TSEN2: variants seen among roughly 807,000 people sequenced by gnomAD.
TSEN2 encodes the protein tRNA splicing endonuclease subunit 2, also known as tRNA-splicing endonuclease subunit Sen2.
In TSEN2, 54 loss-of-function variants were observed where a neutral mutation model predicts 59.2. The observed-to-expected ratio is 0.91, with a 90% confidence interval of 0.73 to 1.14. The LOEUF is 1.14. Among genes scored for constraint, TSEN2 ranks in the 50% most tolerant of loss-of-function variants. The probability of loss-of-function intolerance (pLI) is 0.00; values close to 1 mark genes in which losing one functional copy is unlikely to be tolerated. For synonymous variants in TSEN2, 195 were observed against 198.2 expected (o/e 0.98, Z 0.14); for missense variants, 636 against 576.2 (o/e 1.10, Z -1.06).
chr3:12,520,125 A>G (rs1196387372), intron 8 of TSEN2, among the ~76,000 whole-genome samples: 1 of 151,726 alleles, frequency 6.6e-6, no homozygotes, highest in Non-Finnish European at 1.5e-5. Flanking sequence ...CAGCCTCCCG[A>G]GTAGCTGGGA....
intron 4 of TSEN2, among the ~76,000 whole-genome samples, chr3:12,500,898 C>T (rs2054221334): frequency 6.6e-6 from 1 of 152,176 alleles, no homozygotes; most frequent in Non-Finnish European, 1.5e-5. Context: ...GCTCACTTCA[C>T]TCCAGATCTT....
chr3:12,496,889 G>A (rs1300119411), intron 4 of TSEN2, among the ~76,000 whole-genome samples: 2 of 152,150 alleles, frequency 1.3e-5, no homozygotes, highest in African/African-American at 4.8e-5. Context: ...AGATGGTCCT[G>A]TCCCCCTTCC....
chr3:12,525,363 A>G (rs993724552), intron 8 of TSEN2, among the ~76,000 whole-genome samples: 5 of 152,226 alleles, frequency 3.3e-5, no homozygotes, highest in African/African-American at 7.2e-5. Context: ...TAGTGATACC[A>G]TAAGTACCAT....
chr3:12,523,347 G>C (rs1184079470), intron 8 of TSEN2, among the ~76,000 whole-genome samples: 1 of 151,936 alleles, frequency 6.6e-6, no homozygotes, highest in Non-Finnish European at 1.5e-5. Context: ...AAATGGAATG[G>C]TGGGAGCCAT....
chr3:12,523,742 G>GTTGACCAGGC (rs1412822425), intron 8 of TSEN2, among the ~76,000 whole-genome samples: 1 of 151,714 alleles, frequency 6.6e-6, no homozygotes, highest in Non-Finnish European at 1.5e-5. Flanking sequence ...GTTTTGCCAT[G>GTTGACCAGGC]TTGACCAGGC....
At chr3:12,532,616 T>C in intron 11 of TSEN2, 46 bp from the exon 12 acceptor site, 2 of 1,598,782 alleles carry the variant, frequency 1.3e-6, no homozygotes, top group Non-Finnish European at 1.7e-6. Context: ...CAGAATGGTC[T>C]TACATTTCTG....
At chr3:12,507,603 C>T (rs2054979507) in intron 6 of TSEN2, among the ~76,000 whole-genome samples, 1 of 152,126 alleles carries the variant, frequency 6.6e-6, no homozygotes, top group Admixed American at 6.5e-5. Flanking sequence ...CAAAAATGCC[C>T]ATTGGGTACC....
intron 5 of TSEN2, among the ~76,000 whole-genome samples, chr3:12,504,747 G>A (rs960151765): frequency 5.3e-5 from 8 of 152,100 alleles, no homozygotes; most frequent in South Asian, 2.1e-4. Context: ...TTGGCCAAGC[G>A]TGGTGCCTCA....
At chr3:12,507,353 T>C (rs548318005) in intron 6 of TSEN2, among the ~76,000 whole-genome samples, 57 of 152,216 alleles carry the variant, frequency 3.7e-4, no homozygotes, top group Non-Finnish European at 7.5e-4. Context: ...AGCCCACATG[T>C]ACCCGTTCTT....
At chr3:12,492,074 TA>T in intron 2 of TSEN2, 61 bp from the exon 3 acceptor site, 1 of 1,416,220 alleles carries the variant, frequency 7.1e-7, no homozygotes, top group Non-Finnish European at 1.0e-6. Flanking sequence ...CTGTATATTC[TA>T]CCTCAGCTAA....
At chr3:12,531,758 G>A (rs909910789) in intron 11 of TSEN2, 99 bp downstream of exon 11, 1 of 865,374 alleles carries the variant, frequency 1.2e-6, no homozygotes, top group Non-Finnish European at 1.9e-6. Flanking sequence ...ATACAGTTTT[G>A]CCTTGGTAAC....
chr3:12,519,857 C>T (rs1183700830), intron 8 of TSEN2, among the ~76,000 whole-genome samples: 2 of 152,204 alleles, frequency 1.3e-5, no homozygotes, highest in African/African-American at 4.8e-5. Context: ...GCCTCATCTG[C>T]CAAGTGAGAA....
chr3:12,490,303 A>T (rs532484271), intron 2 of TSEN2, among the ~76,000 whole-genome samples: 49 of 152,356 alleles, frequency 3.2e-4, no homozygotes, highest in African/African-American at 1.1e-3. Context: ...GAACAAAAAA[A>T]GTAATTTACA....
At chr3:12,536,026 AGG>A (rs770847399), downstream of TSEN2, among the ~76,000 whole-genome samples, 16 of 152,318 alleles carry the variant, frequency 1.1e-4, 1 homozygote, top group Admixed American at 7.8e-4. Context: ...GGCACACAGT[AGG>A]TGTACTTTTC....
chr3:12,487,735 G>A (rs951558462), intron 1 of TSEN2, among the ~76,000 whole-genome samples: 9 of 152,118 alleles, frequency 5.9e-5, no homozygotes, highest in African/African-American at 2.2e-4. Context: ...TGAGGGATAA[G>A]TCAGCAAGCA....
At chr3:12,525,106 C>T (rs2056974561) in intron 8 of TSEN2, among the ~76,000 whole-genome samples, 2 of 151,932 alleles carry the variant, frequency 1.3e-5, no homozygotes, top group Non-Finnish European at 2.9e-5. Flanking sequence ...TGACTTTTTT[C>T]GAAGTCTTTT....
chr3:12,491,002 G>GT (rs199673571), intron 2 of TSEN2, among the ~76,000 whole-genome samples: 2,480 of 151,890 alleles, frequency 0.016, 43 homozygotes, highest in South Asian at 0.059. Context: ...TTTTTTGTTT[G>GT]TTTTTTGTGA....
chr3:12,506,912 G>C, intron 6 of TSEN2: 1 of 974,914 alleles, frequency 1.0e-6, no homozygotes, highest in Non-Finnish European at 1.2e-6. Flanking sequence ...GTAATTGTGG[G>C]GGCCGGGCGC....
chr3:12,525,621 A>G (rs956957605), intron 8 of TSEN2, among the ~76,000 whole-genome samples: 3 of 152,140 alleles, frequency 2.0e-5, no homozygotes, highest in Admixed American at 1.3e-4. Flanking sequence ...CAGTGGCACA[A>G]TCTCAGCTCA....
Sources: gnomAD v4.1 joint callset for allele counts (sites outside exome capture counted in the v4.1 genomes callset) on GRCh38, gnomAD v4.1.1 for gene constraint, MANE v1.5 for transcripts, NCBI Gene and HGNC (gene_info 2026-07-23, HGNC 2026-07-21) for gene names.